APPBP2: variants seen among roughly 807,000 people sequenced by gnomAD.
APPBP2 encodes the protein amyloid beta precursor protein binding protein 2.
A neutral mutation model predicts 76.0 loss-of-function variants in APPBP2; 15 were observed. The ratio of observed to expected loss-of-function variants is 0.20; its 90% CI spans 0.13 to 0.30. The LOEUF is 0.30. APPBP2 is among the 10% of genes least tolerant of loss of function. The pLI is 1.00. For synonymous variants in APPBP2, 222 were observed against 242.2 expected (o/e 0.92, Z 0.77); for missense variants, 401 against 687.2 (o/e 0.58, Z 4.66).
intron 1 of APPBP2, among the ~76,000 whole-genome samples, chr17:60,519,601 T>C (rs933058154): frequency 2.6e-5 from 4 of 151,780 alleles, no homozygotes; most frequent in African/African-American, 4.8e-5. Context: ...AGTCCAAGGT[T>C]GCAGTGAGAT....
chr17:60,505,751 AC>A (rs983043326), intron 1 of APPBP2, among the ~76,000 whole-genome samples: 1 of 117,292 alleles, frequency 8.5e-6, no homozygotes, highest in Non-Finnish European at 1.6e-5. Flanking sequence ...TAGTGGTGCC[AC>A]TTGGGATCAC....
At chr17:60,460,369 T>G (rs1049901394) in intron 9 of APPBP2, 3 of 177,112 alleles carry the variant, frequency 1.7e-5, no homozygotes, top group East Asian at 1.5e-4. Context: ...CATCTAGTTT[T>G]AAAAATTTTT....
intron 2 of APPBP2, among the ~76,000 whole-genome samples, chr17:60,496,038 T>C (rs1369614731): frequency 6.6e-6 from 1 of 152,122 alleles, no homozygotes; most frequent in Non-Finnish European, 1.5e-5. Context: ...CAAAAGACCA[T>C]ATAAGAATCA....
At chr17:60,463,123 A>T (rs143466970) in intron 6 of APPBP2, among the ~76,000 whole-genome samples, 1 of 152,308 alleles carries the variant, frequency 6.6e-6, no homozygotes, top group African/African-American at 2.4e-5. Context: ...GACTGATTTA[A>T]TAAATTTCAG....
intron 3 of APPBP2, 65 bp from the exon 4 acceptor site, chr17:60,479,336 GC>G: frequency 6.8e-7 from 1 of 1,481,058 alleles, no homozygotes; most frequent in Non-Finnish European, 9.1e-7. Flanking sequence ...AAAATGACAT[GC>G]TGACAGTGAA....
chr17:60,459,528 T>C (rs913804589), intron 9 of APPBP2: 3 of 142,968 alleles, frequency 2.1e-5, no homozygotes, highest in African/African-American at 8.4e-5. Flanking sequence ...AGTCTCACTC[T>C]GTTGCCTAGG....
rs187626709 is a variant in APPBP2, at chr17:60,500,385, A to T, written c.227+14T>A. 1.6e-3 allele frequency: 2,404 copies of T among 1,548,242 alleles called. 30 individuals are homozygous for T. The African/African-American group carries it at 0.028, about 18-fold the overall frequency. On this transcript the variant is annotated intron_variant, in intron 2 of 12. Transcript: ENST00000083182. ...TGTTATGTATATTTTACAATTTTTTAAAAAAGAATTTACCTTTTATCCAAA... is the reference window on the plus strand; with the variant it reads ...TGTTATGTATATTTTACAATTTTTTTAAAAAGAATTTACCTTTTATCCAAA...
At chr17:60,483,395 A>G (rs57090522) in intron 3 of APPBP2, among the ~76,000 whole-genome samples, 12,489 of 151,758 alleles carry the variant, frequency 0.082, 1,702 homozygotes, top group African/African-American at 0.28. Context: ...CACTCTGATG[A>G]CAGTTTCTTT....
rs371985544 is a variant in APPBP2 at position 60,525,943 on chromosome 17, C to T, written c.-12G>A. 1.7e-5 allele frequency: 26 copies of T among 1,553,458 alleles called. No individual in the cohort carries two copies. In the African/African-American group the frequency reaches 2.7e-4, roughly 16 times the overall value. ...TCCACGGCCGCCATCTTCCTTCCCTCCTCCTCCGCCTCCTCCGCCTCCTCC... is the reference window on the plus strand; with the variant it reads ...TCCACGGCCGCCATCTTCCTTCCCTTCTCCTCCGCCTCCTCCGCCTCCTCC... On this transcript the variant is annotated 5_prime_UTR_variant, in exon 1 of 13. Transcript: ENST00000083182.
At chr17:60,515,455 G>A (rs750117790) in intron 1 of APPBP2, among the ~76,000 whole-genome samples, 28 of 152,144 alleles carry the variant, frequency 1.8e-4, no homozygotes, top group Non-Finnish European at 3.5e-4. Context: ...CATGCATACA[G>A]AAGAGCGCAC....
At chr17:60,490,979 A>T (rs2090724402) in intron 3 of APPBP2, among the ~76,000 whole-genome samples, 1 of 152,146 alleles carries the variant, frequency 6.6e-6, no homozygotes, top group Non-Finnish European at 1.5e-5. Context: ...TGAACTAATA[A>T]AGTAAACTGG....
chr17:60,467,340 T>C (rs2090519333), intron 4 of APPBP2, among the ~76,000 whole-genome samples: 1 of 152,168 alleles, frequency 6.6e-6, no homozygotes, highest in Non-Finnish European at 1.5e-5. Context: ...AAAAAATTTA[T>C]TTTTTCTATC....
chr17:60,516,654 G>A (rs2090966365), intron 1 of APPBP2, among the ~76,000 whole-genome samples: 1 of 152,066 alleles, frequency 6.6e-6, no homozygotes, highest in African/African-American at 2.4e-5. Context: ...CCACCTTTGG[G>A]CTATTATGAA....
intron 4 of APPBP2, among the ~76,000 whole-genome samples, chr17:60,469,102 C>T (rs1177106236): frequency 2.0e-5 from 3 of 151,812 alleles, no homozygotes; most frequent in South Asian, 2.1e-4. Flanking sequence ...CCGAGGTAGG[C>T]GGATCACGAT....
chr17:60,484,125 C>T (rs183001606), intron 3 of APPBP2, among the ~76,000 whole-genome samples: 3 of 152,308 alleles, frequency 2.0e-5, no homozygotes, highest in East Asian at 1.9e-4. Context: ...GTTTTGGTTA[C>T]TGCAGCCTTG....
At chr17:60,516,933 G>C (rs927242086) in intron 1 of APPBP2, among the ~76,000 whole-genome samples, 5 of 152,010 alleles carry the variant, frequency 3.3e-5, no homozygotes, top group Non-Finnish European at 7.4e-5. Flanking sequence ...TTGGCCTTTT[G>C]AATATTCTCT....
At chr17:60,522,850 T>G (rs1383470592) in intron 1 of APPBP2, among the ~76,000 whole-genome samples, 2 of 151,806 alleles carry the variant, frequency 1.3e-5, no homozygotes, top group Non-Finnish European at 2.9e-5. Context: ...TATATTCTAG[T>G]GTCTTCCATT....
Position 60,526,211 on chromosome 17 carries a change from G to A in APPBP2, c.-280C>T, listed in dbSNP as rs35410770. 1.9e-3 allele frequency: 820 copies of A among 433,048 alleles called. 6 individuals are homozygous for A. Among genetic ancestry groups the A allele is most frequent in the African/African-American group, 0.015 (757 of 49,808 alleles). 26.8% of individuals were successfully genotyped at this position (433,048 alleles called of 1,614,324 possible). ...AGAGGAACCCGGGTTCCGTCCCAGC[G>A]CTGATCTCTGCAGGGGCGGGGCTGC... On this transcript the variant is annotated 5_prime_UTR_variant, in exon 1 of 13. Coordinates refer to ENST00000083182, the MANE Select transcript of APPBP2 (RefSeq NM_006380.5).
At position 60,526,077 on chromosome 17, in the gene APPBP2, C is replaced by G; in HGVS notation, c.-146G>C. 1.3e-6 allele frequency: 1 copy of G among 744,556 alleles called. No homozygotes were observed. The highest frequency in any genetic ancestry group is 2.9e-5 in the Admixed American group (1 of 33,956). The allele number at this position is 744,556 out of a possible 1,614,324, so 46.1% of individuals were successfully genotyped here. On this transcript the variant is annotated 5_prime_UTR_variant, in exon 1 of 13. Coordinates refer to ENST00000083182, the MANE Select transcript of APPBP2 (RefSeq NM_006380.5). ...CACGGCAGAAGGCACGGCCGCCCTG[C>G]CTCCTCCGGGGGCAAACTGAGGGAC...
Sources: allele counts gnomAD v4.1 joint callset (sites outside exome capture counted in the v4.1 genomes callset), GRCh38; gene constraint gnomAD v4.1.1; transcripts MANE v1.5; gene names NCBI Gene and HGNC (gene_info 2026-07-23, HGNC 2026-07-21).